The following PCDH9 variants were observed in gnomAD, a reference collection of about 807,000 sequenced individuals.
PCDH9 encodes protocadherin 9, also known as protocadherin-9.
A neutral mutation model predicts 70.6 loss-of-function variants in PCDH9; 24 were observed. The observed-to-expected ratio is 0.34, with a 90% CI of 0.25 to 0.48. The LOEUF (loss-of-function observed/expected upper bound fraction) is 0.48, where lower values mean the gene tolerates loss of function less well. Among genes scored for constraint, PCDH9 ranks in the 20% least tolerant of loss-of-function variants. The probability of loss-of-function intolerance (pLI) is 0.99; values close to 1 mark genes in which losing one functional copy is unlikely to be tolerated. For missense variants in PCDH9, 1,281 were observed against 1,503.6 expected (o/e 0.85, Z 2.45); for synonymous variants, 562 against 558.5 (o/e 1.01, Z -0.09).
intron 4 of PCDH9, among the ~76,000 whole-genome samples, chr13:66,316,567 A>AT (rs1450986268): frequency 6.6e-6 from 1 of 151,998 alleles, no homozygotes; most frequent in Non-Finnish European, 1.5e-5. Flanking sequence ...GGGTCTGTGG[A>AT]TTTGGTATTA....
chr13:66,949,798 C>T (rs2083148194), intron 2 of PCDH9, among the ~76,000 whole-genome samples: 1 of 151,722 alleles, frequency 6.6e-6, no homozygotes, highest in African/African-American at 2.4e-5. Context: ...GAGAGAAGAC[C>T]CTGAAATAGG....
At chr13:66,535,196 A>G (rs999226198) in intron 4 of PCDH9, among the ~76,000 whole-genome samples, 1 of 152,106 alleles carries the variant, frequency 6.6e-6, no homozygotes, top group Admixed American at 6.6e-5. Context: ...AACACTAGAA[A>G]ATGGAAAGTA....
Position 67,191,671 on chromosome 13 carries a change from T to C in PCDH9, c.3036+33734A>G, listed in dbSNP as rs185786660. On this transcript the variant is annotated intron_variant, in intron 2 of 4. Transcript: ENST00000377865. The stretch of plus-strand genomic sequence containing the variant: ...CACTTTCCTGCACAAATCTCTGCCC[T>C]GGTCAAGCCATTATCACCCCCACCT... Among the ~76,000 whole-genome samples, 465 of 152,210 alleles carry C rather than the reference T, an allele frequency of 3.1e-3. 1 individual carries two copies. The highest frequency in any genetic ancestry group is 0.011 in the African/African-American group (455 of 41,542).
At chr13:66,789,651 T>C (rs2080133199) in intron 3 of PCDH9, among the ~76,000 whole-genome samples, 1 of 152,184 alleles carries the variant, frequency 6.6e-6, no homozygotes, top group African/African-American at 2.4e-5. Flanking sequence ...AATTTAAGAT[T>C]GCAACTTCCT....
At chr13:66,864,905 A>G (rs1322083488) in intron 3 of PCDH9, among the ~76,000 whole-genome samples, 2 of 152,274 alleles carry the variant, frequency 1.3e-5, no homozygotes, top group Non-Finnish European at 2.9e-5. Context: ...AAGAAAGCCC[A>G]GCACATGTTC....
chr13:67,055,549 C>T (rs572656587), intron 2 of PCDH9, among the ~76,000 whole-genome samples: 46 of 152,100 alleles, frequency 3.0e-4, no homozygotes, highest in Middle Eastern at 3.4e-3. Context: ...CAGTGGCTCA[C>T]GCCTGTAATC....
intron 2 of PCDH9, among the ~76,000 whole-genome samples, chr13:67,073,655 T>A (rs1247685406): frequency 6.6e-6 from 1 of 152,052 alleles, no homozygotes; most frequent in Admixed American, 6.6e-5. Flanking sequence ...ATCTAAAACT[T>A]TTGAGGATTT....
chr13:66,735,721 T>C (rs1416797883), intron 3 of PCDH9, among the ~76,000 whole-genome samples: 2 of 152,126 alleles, frequency 1.3e-5, no homozygotes, highest in Non-Finnish European at 2.9e-5. Flanking sequence ...CCCAGCACTT[T>C]GGGAGGGTGA....
At chr13:66,987,157 C>A (rs1199523887) in intron 2 of PCDH9, among the ~76,000 whole-genome samples, 1 of 151,876 alleles carries the variant, frequency 6.6e-6, no homozygotes, top group African/African-American at 2.4e-5. Flanking sequence ...AAAATTGGCT[C>A]TGATTTAGAT....
intron 4 of PCDH9, among the ~76,000 whole-genome samples, chr13:66,626,161 C>T (rs560806208): frequency 3.3e-5 from 5 of 151,994 alleles, no homozygotes; most frequent in South Asian, 2.1e-4. Context: ...TGATCCTAGA[C>T]GTTAAATACA....
intron 4 of PCDH9, among the ~76,000 whole-genome samples, chr13:66,581,146 C>A (rs964745412): frequency 6.6e-6 from 1 of 152,044 alleles, no homozygotes; most frequent in Non-Finnish European, 1.5e-5. Context: ...CAAATAGAAA[C>A]CATGAAATGG....
intron 2 of PCDH9, among the ~76,000 whole-genome samples, chr13:66,974,126 G>A (rs909709212): frequency 1.3e-5 from 2 of 151,884 alleles, no homozygotes; most frequent in African/African-American, 2.4e-5. Flanking sequence ...TTCGTGATGG[G>A]GGTGAGTCTG....
intron 3 of PCDH9, among the ~76,000 whole-genome samples, chr13:66,740,327 A>G (rs2079239397): frequency 1.0e-5 from 1 of 96,614 alleles, no homozygotes; most frequent in Non-Finnish European, 2.2e-5. Context: ...AATCTCTGGG[A>G]CGCATTCAAA....
At position 66,551,148 on chromosome 13, in the gene PCDH9, G is replaced by GT. The variant is rs1272171682; in HGVS notation, c.3340+80061dup. 9.9e-5 allele frequency among the ~76,000 whole-genome samples: 15 copies of GT among 152,152 alleles called. No homozygotes were observed. In the East Asian group the frequency reaches 2.1e-3, roughly 22 times the overall value. ...AAATACTTTATTTTTTGCTGTTATTGTTGGCTAAGAGTGTCTTTACTTTGA... is the reference window on the plus strand; with the variant it reads ...AAATACTTTATTTTTTGCTGTTATTGTTTGGCTAAGAGTGTCTTTACTTTGA... On this transcript the variant is annotated intron_variant, in intron 4 of 4. Transcript: ENST00000377865.
intron 2 of PCDH9, among the ~76,000 whole-genome samples, chr13:67,088,219 A>G (rs757343284): frequency 6.6e-6 from 1 of 151,806 alleles, no homozygotes; most frequent in Non-Finnish European, 1.5e-5. Flanking sequence ...GGTTTAATAC[A>G]TTACATTAAC....
intron 3 of PCDH9, among the ~76,000 whole-genome samples, chr13:66,894,926 G>T (rs1313476122): frequency 1.3e-5 from 2 of 151,886 alleles, no homozygotes; most frequent in African/African-American, 4.8e-5. Context: ...TAGTGCCTCA[G>T]CCTCCCAAGT....
chr13:66,661,930 A>G (rs1258559085), intron 3 of PCDH9, among the ~76,000 whole-genome samples: 2 of 152,200 alleles, frequency 1.3e-5, no homozygotes, highest in Admixed American at 6.5e-5. Flanking sequence ...AAGTAAACCA[A>G]TAAAATAACT....
chr13:67,060,244 C>T (rs1259569361), intron 2 of PCDH9, among the ~76,000 whole-genome samples: 4 of 152,044 alleles, frequency 2.6e-5, no homozygotes, highest in Non-Finnish European at 5.9e-5. Flanking sequence ...ATTTCCCATG[C>T]TTTATTCTGT....
At chr13:66,890,448 C>CA (rs1555281764) in intron 3 of PCDH9, among the ~76,000 whole-genome samples, 1 of 100,564 alleles carries the variant, frequency 9.9e-6, no homozygotes, top group Non-Finnish European at 2.0e-5. Flanking sequence ...GACTTCTGAA[C>CA]TTTTTTTTTT....
Sources: gnomAD v4.1 joint callset for allele counts (sites outside exome capture counted in the v4.1 genomes callset) on GRCh38, gnomAD v4.1.1 for gene constraint, MANE v1.5 for transcripts, NCBI Gene and HGNC (gene_info 2026-07-23, HGNC 2026-07-21) for gene names.